Variants in KMT2C observed in about 807,000 individuals in gnomAD.
The protein encoded by KMT2C is histone-lysine N-methyltransferase 2C.
KMT2C carries 88 observed loss-of-function variants against 507.9 expected under a neutral mutation model. The observed-to-expected ratio is 0.17, with a 90% confidence interval of 0.15 to 0.21. KMT2C has a LOEUF of 0.21. Among genes scored for constraint, KMT2C ranks in the 10% least tolerant of loss-of-function variants. The pLI, the probability that KMT2C is intolerant of heterozygous loss-of-function variation, is 1.00. For missense variants in KMT2C, 4,954 were observed against 5,957.8 expected, an observed-to-expected ratio of 0.83 and a Z score of 5.55; for synonymous variants, 2,049 against 2,080.8, an observed-to-expected ratio of 0.98 and a Z score of 0.42.
At chr7:152,259,446 G>GCGCACACACA (rs1188729137) in intron 9 of KMT2C, among the ~76,000 whole-genome samples, 197 of 134,776 alleles carry the variant, frequency 1.5e-3, no homozygotes, top group African/African-American at 4.1e-3. Flanking sequence ...ACACACACGC[G>GCGCACACACA]CACACACACA....
At chr7:152,431,311 T>C (rs2097860607) in intron 1 of KMT2C, among the ~76,000 whole-genome samples, 1 of 152,002 alleles carries the variant, frequency 6.6e-6, no homozygotes, top group Non-Finnish European at 1.5e-5. Flanking sequence ...TATTAGAAAT[T>C]CCCTGGGCCA....
At chr7:152,190,368 T>A (rs1345724825) in intron 31 of KMT2C, among the ~76,000 whole-genome samples, 1 of 152,228 alleles carries the variant, frequency 6.6e-6, no homozygotes, top group Non-Finnish European at 1.5e-5. Flanking sequence ...AATATTAACA[T>A]ATTGAAACTT....
intron 6 of KMT2C, among the ~76,000 whole-genome samples, chr7:152,284,729 A>G (rs2096269062): frequency 1.3e-5 from 2 of 152,184 alleles, no homozygotes; most frequent in Non-Finnish European, 2.9e-5. Flanking sequence ...TGACAAGTAA[A>G]TCAATTGGAA....
intron 6 of KMT2C, among the ~76,000 whole-genome samples, chr7:152,289,613 C>A (rs1230261027): frequency 6.6e-6 from 1 of 152,044 alleles, no homozygotes; most frequent in East Asian, 1.9e-4. Flanking sequence ...ATAAAGTGAG[C>A]CTGTCACTTC....
chr7:152,361,427 G>C (rs561519030), intron 1 of KMT2C, among the ~76,000 whole-genome samples: 1 of 152,186 alleles, frequency 6.6e-6, no homozygotes, highest in African/African-American at 2.4e-5. Context: ...GCCGGGCGTG[G>C]TAGTGGGCGC....
intron 6 of KMT2C, among the ~76,000 whole-genome samples, chr7:152,290,556 C>T (rs1440285121): frequency 6.6e-6 from 1 of 151,436 alleles, no homozygotes; most frequent in Non-Finnish European, 1.5e-5. Flanking sequence ...GATCCACCCG[C>T]TTCAGCCTCC....
intron 1 of KMT2C, among the ~76,000 whole-genome samples, chr7:152,415,082 G>A (rs2097720981): frequency 6.6e-6 from 1 of 151,942 alleles, no homozygotes; most frequent in South Asian, 2.1e-4. Flanking sequence ...CTGAGCTCAA[G>A]CTATCAGCCT....
intron 1 of KMT2C, among the ~76,000 whole-genome samples, chr7:152,384,561 C>CACCACCACCACCACCACCACCACT (rs2097404218): frequency 7.1e-6 from 1 of 139,878 alleles, no homozygotes; most frequent in African/African-American, 2.7e-5. Flanking sequence ...CCACCACCAC[C>CACCACCACCACCACCACCACCACT]ACCACCACCA....
intron 1 of KMT2C, among the ~76,000 whole-genome samples, chr7:152,365,329 T>C (rs139871705): frequency 0.013 from 1,994 of 152,164 alleles, 17 homozygotes; most frequent in Non-Finnish European, 0.023. Flanking sequence ...GCCAAGATGG[T>C]GAAACCCTGT....
chr7:152,154,397 G>C lies in KMT2C; in HGVS notation c.12009C>G (p.Pro4003=), dbSNP rs751318235. 1.9e-6 allele frequency: 3 copies of C among 1,614,078 alleles called. No homozygotes were observed. Among genetic ancestry groups the C allele is most frequent in the Non-Finnish European group, 1.7e-6 (2 of 1,179,998 alleles). ...GDRDTPDSFV[P]SSSPESVVGV... ...CAACCACACTCTCAGGAGAGGATGA[G>C]GGAACAAAACTGTCAGGAGTATCTC... is the stretch of plus-strand genomic sequence containing the variant. The change falls in exon 47 of 59, where the codon CCC becomes CCG. Residue 4003 remains proline (P), a synonymous_variant. Transcript: ENST00000262189.
chr7:152,327,539 T>C (rs1445811502), intron 3 of KMT2C, among the ~76,000 whole-genome samples: 1 of 152,202 alleles, frequency 6.6e-6, no homozygotes, highest in African/African-American at 2.4e-5. Context: ...ATACCACATA[T>C]GCATTACACC....
At chr7:152,360,469 A>ACT (rs1292194657) in intron 1 of KMT2C, among the ~76,000 whole-genome samples, 1 of 151,014 alleles carries the variant, frequency 6.6e-6, no homozygotes, top group South Asian at 2.1e-4. Context: ...CAAGAGTGAA[A>ACT]CTCTGTCTCA....
At position 152,380,671 on chromosome 7, in the gene KMT2C, G is replaced by A. The variant is rs1166641289; in HGVS notation, c.162-21996C>T. On this transcript the variant is annotated intron_variant, in intron 1 of 58. Transcript: ENST00000262189. ...GAGGGTCATTTGGGCCCAGAAATTC[G>A]AAGCTGCAGTCAACTATGATTGTGC... Among the ~76,000 whole-genome samples, 7 of 152,210 alleles carry A rather than the reference G, an allele frequency of 4.6e-5. No individual in the cohort carries two copies. The East Asian group carries it at 9.6e-4, about 21-fold the overall frequency.
chr7:152,370,863 C>G (rs1279978025), intron 1 of KMT2C, among the ~76,000 whole-genome samples: 2 of 152,184 alleles, frequency 1.3e-5, no homozygotes, highest in Non-Finnish European at 2.9e-5. Context: ...TCTACATCTG[C>G]TTTCATGCTA....
intron 37 of KMT2C, among the ~76,000 whole-genome samples, chr7:152,179,003 T>A (rs1182189121): frequency 1.3e-5 from 2 of 152,174 alleles, no homozygotes; most frequent in Non-Finnish European, 2.9e-5. Context: ...TATTATTTTT[T>A]AAATTGAGAC....
intron 20 of KMT2C, among the ~76,000 whole-genome samples, chr7:152,222,893 A>G (rs866194057): frequency 1.4e-4 from 21 of 152,370 alleles, no homozygotes; most frequent in Middle Eastern, 6.8e-3. Flanking sequence ...AACAACTATT[A>G]GAGAGGAAGC....
At chr7:152,369,541 G>A (rs1262519034) in intron 1 of KMT2C, among the ~76,000 whole-genome samples, 1 of 152,196 alleles carries the variant, frequency 6.6e-6, no homozygotes, top group Non-Finnish European at 1.5e-5. Flanking sequence ...GGTCTGCAAT[G>A]TAGCAGTGTT....
intron 1 of KMT2C, among the ~76,000 whole-genome samples, chr7:152,426,686 A>C (rs970096175): frequency 2.0e-5 from 3 of 152,210 alleles, no homozygotes; most frequent in African/African-American, 7.2e-5. Flanking sequence ...TCTTAATAGG[A>C]CTTAGTCTAT....
At chr7:152,233,454 C>CA (rs1292739820) in intron 16 of KMT2C, among the ~76,000 whole-genome samples, 1 of 149,264 alleles carries the variant, frequency 6.7e-6, no homozygotes, top group Non-Finnish European at 1.5e-5. Flanking sequence ...TAAGAGTAAA[C>CA]AAAAAAAGAA....
Sources: gnomAD v4.1 joint callset for allele counts (sites outside exome capture counted in the v4.1 genomes callset) on GRCh38, gnomAD v4.1.1 for gene constraint, MANE v1.5 for transcripts, NCBI Gene and HGNC (gene_info 2026-07-23, HGNC 2026-07-21) for gene names.